RASSF3: variants seen among roughly 807,000 people sequenced by gnomAD.
The protein encoded by RASSF3 is ras association domain-containing protein 3.
RASSF3 carries 19 observed loss-of-function variants against 19.9 expected under a neutral mutation model. The observed-to-expected ratio is 0.96, with a 90% CI of 0.67 to 1.40. The LOEUF is 1.40. RASSF3 is among the 40% of genes most tolerant of loss of function. The probability of loss-of-function intolerance (pLI) is 0.00; values close to 1 mark genes in which losing one functional copy is unlikely to be tolerated. For missense variants in RASSF3, 306 were observed against 289.8 expected, an observed-to-expected ratio of 1.06 and a Z score of -0.41; for synonymous variants, 110 against 104.2, an observed-to-expected ratio of 1.06 and a Z score of -0.34.
Position 64,688,354 on chromosome 12 carries a change from A to C in RASSF3, c.358A>C (p.Thr120Pro), listed in dbSNP as rs1873440762. 1.9e-6 allele frequency: 3 copies of C among 1,614,034 alleles called. No homozygotes were observed. The highest frequency in any genetic ancestry group is 1.3e-5 in the African/African-American group (1 of 74,902). The part of the protein sequence containing the change: ...MNTLHISSTN[T>P]VGEVIEALLK... Reference sequence around the variant, plus strand: ...TACACTTCATATCAGCAGCACAAACACTGTCGGGGAAGTGATCGAGGCCCT... The same window carrying C: ...TACACTTCATATCAGCAGCACAAACCCTGTCGGGGAAGTGATCGAGGCCCT... The change falls in exon 3 of 5, where the codon ACT (threonine) becomes CCT (proline). Residue 120 changes from threonine to proline, a missense_variant. By Grantham distance (38) the Thr-to-Pro change is conservative (BLOSUM62 -1). Transcript: ENST00000542104.
chr12:64,556,834 CT>C (rs5798747), intron 2 of RASSF3, among the ~76,000 whole-genome samples: 1,575 of 114,296 alleles, frequency 0.014, 17 homozygotes, highest in African/African-American at 0.027. Context: ...CCCCCTACCC[CT>C]TTTTTTTTTT....
rs1181881426 is a variant in RASSF3 at position 64,695,862 on chromosome 12, T to G, written c.*950T>G. The G allele has an allele frequency of 6.6e-6, 1 of 152,218 alleles. No homozygotes were observed. Among genetic ancestry groups the G allele is most frequent in the Admixed American group, 6.5e-5 (1 of 15,286 alleles). 9.4% of individuals were successfully genotyped at this position (152,218 alleles called of 1,614,324 possible). ...GGCAGGACAGTGACAGTTCACTAAC[T>G]CTTGTTAAGTTACATAGTGTATAGC... On this transcript the variant is annotated 3_prime_UTR_variant, in exon 5 of 5. Transcript: ENST00000542104.
At chr12:64,595,558 C>T (rs867027126) in intron 2 of RASSF3, among the ~76,000 whole-genome samples, 2 of 152,274 alleles carry the variant, frequency 1.3e-5, no homozygotes, top group South Asian at 4.1e-4. Flanking sequence ...TTCCCATATG[C>T]GTATGTAATA....
intron 1 of RASSF3, among the ~76,000 whole-genome samples, chr12:64,614,107 T>C (rs1402909022): frequency 6.6e-6 from 1 of 152,020 alleles, no homozygotes; most frequent in African/African-American, 2.4e-5. Flanking sequence ...TTTCCTGATT[T>C]GATAGTAACT....
At chr12:64,680,098 T>C (rs1250462864) in intron 1 of RASSF3, among the ~76,000 whole-genome samples, 1 of 152,296 alleles carries the variant, frequency 6.6e-6, no homozygotes, top group East Asian at 1.9e-4. Context: ...CTTCTCTTCC[T>C]TTTTCCTGGG....
In RASSF3 at chr12:64,553,976, C is replaced by CAA. The variant is rs1021865573; in HGVS notation, c.294+12287_294+12288dup. ...TGGGTGACAGAGTGAGATCCTGTCT[C>CAA]AAAAAAAAAAAAAAAAAGAAAGAAA... is the stretch of plus-strand genomic sequence containing the variant. On this transcript the variant is annotated intron_variant, in intron 2 of 5. Coordinates refer to the RASSF3 transcript ENST00000637125. Among the ~76,000 whole-genome samples the CAA allele has an allele frequency of 4.2e-3, 348 of 83,434 alleles. 2 individuals carry two copies. The highest frequency in any genetic ancestry group is 0.021 in the Middle Eastern group (3 of 140). The allele number at this position is 83,434 out of a possible 152,430, so 54.7% of individuals were successfully genotyped here. A position where few individuals can be genotyped will look rare whatever the true frequency, so the allele number is the denominator to read the frequency against.
chr12:64,607,967 T>G (rs1352607388), upstream of RASSF3, among the ~76,000 whole-genome samples: 4 of 151,766 alleles, frequency 2.6e-5, no homozygotes, highest in Non-Finnish European at 2.9e-5. Context: ...CAGGGTCTCA[T>G]TTTGTTGCCC....
intron 2 of RASSF3, among the ~76,000 whole-genome samples, chr12:64,566,450 C>A (rs1378703306): frequency 6.6e-6 from 1 of 152,124 alleles, no homozygotes; most frequent in Non-Finnish European, 1.5e-5. Context: ...TCCAGTCGGG[C>A]CTTGCACCTG....
rs114835248 is a variant in RASSF3, at chr12:64,557,674, G to A, written c.294+15969G>A. On this transcript the variant is annotated intron_variant, in intron 2 of 5. Transcript: ENST00000637125. ...TCCCAGATCCATTTATTCTTTCTAC[G>A]GGGAACACAGCACCACAGAGACATC... 9.9e-3 allele frequency among the ~76,000 whole-genome samples: 1,506 copies of A among 152,102 alleles called. 17 individuals carry two copies. Among genetic ancestry groups the A allele is most frequent in the African/African-American group, 0.034 (1,401 of 41,478 alleles).
intron 1 of RASSF3, among the ~76,000 whole-genome samples, chr12:64,665,555 A>G (rs1456791627): frequency 6.6e-6 from 1 of 152,184 alleles, no homozygotes; most frequent in Non-Finnish European, 1.5e-5. Flanking sequence ...GCACCTCTCC[A>G]TAAGACACGC....
At chr12:64,506,984 T>A, upstream of RASSF3, 3 of 385,572 alleles carry the variant, frequency 7.8e-6, no homozygotes, top group Non-Finnish European at 1.4e-5. Context: ...AAACTCTTTC[T>A]TTAGAAAGAA....
chr12:64,645,847 A>C (rs1356645621), intron 1 of RASSF3, among the ~76,000 whole-genome samples: 1 of 152,180 alleles, frequency 6.6e-6, no homozygotes, highest in Non-Finnish European at 1.5e-5. Flanking sequence ...AATGCAGTAC[A>C]TTTCTGTTAC....
upstream of RASSF3, among the ~76,000 whole-genome samples, chr12:64,605,964 A>C (rs1439430723): frequency 6.6e-6 from 1 of 151,910 alleles, no homozygotes; most frequent in Non-Finnish European, 1.5e-5. Context: ...GGGTGGTGTC[A>C]AACCTGGTTA....
At chr12:64,548,001 C>T (rs1869098181) in intron 2 of RASSF3, among the ~76,000 whole-genome samples, 1 of 151,938 alleles carries the variant, frequency 6.6e-6, no homozygotes. Context: ...CTTCGTAAAA[C>T]TGGAAATCAG....
chr12:64,571,806 C>T (rs1194227841), intron 2 of RASSF3, among the ~76,000 whole-genome samples: 1 of 152,104 alleles, frequency 6.6e-6, no homozygotes, highest in African/African-American at 2.4e-5. Context: ...TCTCTCTTCC[C>T]AGGTTCCCAA....
chr12:64,619,445 G>T (rs964126774), intron 1 of RASSF3, among the ~76,000 whole-genome samples: 1 of 152,024 alleles, frequency 6.6e-6, no homozygotes, highest in Admixed American at 6.6e-5. Context: ...TATTAAAGGA[G>T]CAAGCTTAAT....
intron 2 of RASSF3, among the ~76,000 whole-genome samples, chr12:64,571,771 C>G (rs889449504): frequency 2.0e-5 from 3 of 152,038 alleles, no homozygotes; most frequent in Non-Finnish European, 4.4e-5. Context: ...AAATGGGGAA[C>G]AAATTCTGTC....
chr12:64,576,274 C>T (rs887049541), intron 2 of RASSF3, among the ~76,000 whole-genome samples: 7 of 152,074 alleles, frequency 4.6e-5, no homozygotes, highest in East Asian at 1.9e-4. Context: ...TTATGACAAA[C>T]GTGGTGCCCT....
At chr12:64,543,068 C>CGGCG, downstream of RASSF3, among the ~76,000 whole-genome samples, 1 of 59,082 alleles carries the variant, frequency 1.7e-5, no homozygotes, top group Non-Finnish European at 3.7e-5. Context: ...AGTGGCGGGC[C>CGGCG]CCGCACTTGG....
Sources: allele counts gnomAD v4.1 joint callset (sites outside exome capture counted in the v4.1 genomes callset), GRCh38; gene constraint gnomAD v4.1.1; transcripts MANE v1.5; gene names NCBI Gene and HGNC (gene_info 2026-07-23, HGNC 2026-07-21).